TRAF3: variants seen among roughly 807,000 people sequenced by gnomAD.
TRAF3 encodes the protein TNF receptor associated factor 3, also known as TNF receptor-associated factor 3.
Under a neutral mutation model 62.3 loss-of-function variants are expected in TRAF3, and 13 were observed. The ratio of observed to expected loss-of-function variants is 0.21; its 90% CI spans 0.14 to 0.33. The LOEUF is 0.33. Among genes scored for constraint, TRAF3 ranks in the 10% least tolerant of loss-of-function variants. The probability of loss-of-function intolerance (pLI) is 1.00; values close to 1 mark genes in which losing one functional copy is unlikely to be tolerated. For synonymous variants in TRAF3, 269 were observed against 283.4 expected (o/e 0.95, Z 0.51); for missense variants, 440 against 741.8 (o/e 0.59, Z 4.73).
At chr14:102,778,055 G>C (rs1443988396) in intron 1 of TRAF3, among the ~76,000 whole-genome samples, 1 of 150,460 alleles carries the variant, frequency 6.6e-6, no homozygotes, top group South Asian at 2.1e-4. Flanking sequence ...GGTTTCACGC[G>C]GGGGGACGGG....
chr14:102,789,097 A>G (rs1183385532), intron 1 of TRAF3, among the ~76,000 whole-genome samples: 1 of 152,152 alleles, frequency 6.6e-6, no homozygotes, highest in Admixed American at 6.5e-5. Flanking sequence ...TATTTTAGAT[A>G]TAGCATCTAG....
At chr14:102,820,058 G>A (rs1899797234) in intron 1 of TRAF3, among the ~76,000 whole-genome samples, 1 of 151,682 alleles carries the variant, frequency 6.6e-6, no homozygotes, top group African/African-American at 2.4e-5. Context: ...ACCACATGCG[G>A]GTGGTGAGCC....
At chr14:102,780,391 C>G (rs1897225916) in intron 1 of TRAF3, among the ~76,000 whole-genome samples, 1 of 151,832 alleles carries the variant, frequency 6.6e-6, no homozygotes, top group Non-Finnish European at 1.5e-5. Flanking sequence ...AATTAAAATA[C>G]AAAATGGCTT....
At chr14:102,833,752 T>TG (rs1885793346) in intron 2 of TRAF3, among the ~76,000 whole-genome samples, 1 of 152,146 alleles carries the variant, frequency 6.6e-6, no homozygotes, top group African/African-American at 2.4e-5. Flanking sequence ...CCCAGCTCTT[T>TG]GGGAGGTCGA....
intron 2 of TRAF3, among the ~76,000 whole-genome samples, chr14:102,836,306 T>C (rs1174581951): frequency 6.6e-6 from 1 of 152,226 alleles, no homozygotes; most frequent in Non-Finnish European, 1.5e-5. Flanking sequence ...ATTTAAAGAT[T>C]TATTTTCATA....
At chr14:102,874,057 C>T (rs1334582506) in intron 4 of TRAF3, among the ~76,000 whole-genome samples, 2 of 151,984 alleles carry the variant, frequency 1.3e-5, no homozygotes, top group Non-Finnish European at 2.9e-5. Flanking sequence ...CTCAGGAGTT[C>T]GAGACCAGAG....
At chr14:102,904,776 C>G (rs1161912566) in intron 11 of TRAF3, among the ~76,000 whole-genome samples, 6 of 143,292 alleles carry the variant, frequency 4.2e-5, no homozygotes, top group African/African-American at 1.6e-4. Flanking sequence ...TGCCACTGCA[C>G]TCCAGCCTGG....
intron 2 of TRAF3, among the ~76,000 whole-genome samples, chr14:102,842,638 A>G (rs1886446109): frequency 6.6e-6 from 1 of 152,234 alleles, no homozygotes; most frequent in African/African-American, 2.4e-5. Context: ...AAAACTCCAA[A>G]CAGAGCAAAT....
rs545791810 is a variant in TRAF3, at chr14:102,834,422, G to A, written c.-18+3950G>A. ...ATTGAAATTGGACCCCTTCCGGCTGGGCGCGGTGGCTCACGCTTGTAATCC... is the reference window on the plus strand; with the variant it reads ...ATTGAAATTGGACCCCTTCCGGCTGAGCGCGGTGGCTCACGCTTGTAATCC... On this transcript the variant is annotated intron_variant, in intron 2 of 11. Coordinates refer to ENST00000392745, the MANE Select transcript of TRAF3 (RefSeq NM_145725.3). Among the ~76,000 whole-genome samples the A allele has an allele frequency of 9.2e-5, 14 of 151,622 alleles. No individual in the cohort carries two copies. In the East Asian group the frequency reaches 2.0e-3, roughly 21 times the overall value.
intron 6 of TRAF3, among the ~76,000 whole-genome samples, chr14:102,883,156 C>A (rs775550956): frequency 6.6e-6 from 1 of 152,096 alleles, no homozygotes; most frequent in Non-Finnish European, 1.5e-5. Context: ...TGACCAGAGC[C>A]GCAGAAATCT....
chr14:102,785,023 G>A (rs1897427831), intron 1 of TRAF3, among the ~76,000 whole-genome samples: 1 of 152,198 alleles, frequency 6.6e-6, no homozygotes, highest in African/African-American at 2.4e-5. Context: ...TTGCAGATGA[G>A]GAAAAGGAAG....
intron 1 of TRAF3, among the ~76,000 whole-genome samples, chr14:102,778,206 G>A (rs1178885312): frequency 6.6e-6 from 1 of 151,430 alleles, no homozygotes; most frequent in Non-Finnish European, 1.5e-5. Flanking sequence ...CCGGGTATGG[G>A]CAGAGGGCGC....
Position 102,897,383 on chromosome 14 carries a change from C to A in TRAF3, c.942C>A (p.Ser314=), listed in dbSNP as rs749540354. 3 of 1,613,764 alleles carry A rather than the reference C, an allele frequency of 1.9e-6. No homozygotes were observed. Among genetic ancestry groups the A allele is most frequent in the East Asian group, 4.5e-5 (2 of 44,858 alleles). The change falls in exon 10 of 12, where the codon TCC becomes TCA. Residue 314 remains serine, a synonymous_variant. Transcript: ENST00000392745. ...AGGAAATGCTTCGAAATAATGAATC[C>A]AAAATCCTTCATTTACAGGTAAGAA... is the stretch of plus-strand genomic sequence containing the variant. The part of the protein sequence containing the change: ...RQKEMLRNNE[S]KILHLQRVID...
chr14:102,869,891 A>G (rs1888231724), intron 2 of TRAF3, among the ~76,000 whole-genome samples: 1 of 151,868 alleles, frequency 6.6e-6, no homozygotes, highest in African/African-American at 2.4e-5. Context: ...GCTTGGTGCA[A>G]CCTTCAACTC....
chr14:102,888,719 C>T (rs192965083), intron 7 of TRAF3, among the ~76,000 whole-genome samples: 4 of 152,300 alleles, frequency 2.6e-5, no homozygotes, highest in Admixed American at 2.6e-4. Flanking sequence ...GACAAAACTT[C>T]TGCTCAGTCT....
In TRAF3 at chr14:102,837,544, T is replaced by C. The variant is rs1035260506; in HGVS notation, c.-18+7072T>C. Reference sequence around the variant, plus strand: ...AGGCACTAGCCTTATTTGGTTCAGCTAAAGGTGCTCCCTGGTGCATCAGGT... The same window carrying C: ...AGGCACTAGCCTTATTTGGTTCAGCCAAAGGTGCTCCCTGGTGCATCAGGT... On this transcript the variant is annotated intron_variant, in intron 2 of 11. Transcript: ENST00000392745. Among the ~76,000 whole-genome samples, 6 of 152,130 alleles carry C rather than the reference T, an allele frequency of 3.9e-5. No homozygotes were observed. In the East Asian group the frequency reaches 1.2e-3, roughly 29 times the overall value.
intron 1 of TRAF3, among the ~76,000 whole-genome samples, chr14:102,801,916 T>G (rs1203692013): frequency 6.7e-6 from 1 of 148,170 alleles, no homozygotes; most frequent in Non-Finnish European, 1.5e-5. Context: ...CTCAGGAGGC[T>G]GAGGCAGGAG....
In TRAF3 at chr14:102,870,504, C is replaced by T. The variant is rs117026917; in HGVS notation, c.245+58C>T. The stretch of plus-strand genomic sequence containing the variant: ...CCTTCTCAGCCCTCGGCCTCACCCT[C>T]TCCTTCATTCGTTTCTCTAAAAATA... On this transcript the variant is annotated intron_variant, in intron 3 of 11. Transcript: ENST00000392745. 3.1e-6 allele frequency: 5 copies of T among 1,596,348 alleles called. No individual in the cohort carries two copies. The East Asian group carries it at 9.0e-5, about 29-fold the overall frequency.
chr14:102,849,228 C>T (rs1886893023), intron 2 of TRAF3, among the ~76,000 whole-genome samples: 1 of 152,222 alleles, frequency 6.6e-6, no homozygotes. Context: ...GGAAGATGAA[C>T]CTTATCACAT....
Sources: gnomAD v4.1 joint callset for allele counts (sites outside exome capture counted in the v4.1 genomes callset) on GRCh38, gnomAD v4.1.1 for gene constraint, MANE v1.5 for transcripts, NCBI Gene and HGNC (gene_info 2026-07-23, HGNC 2026-07-21) for gene names.